PPP3CA: variants seen among roughly 807,000 people sequenced by gnomAD.
PPP3CA encodes CAM-PRP catalytic subunit.
Under a neutral mutation model 66.5 loss-of-function variants are expected in PPP3CA, and 14 were observed. That is an observed-to-expected ratio of 0.21 (90% CI 0.14 to 0.33). The LOEUF is 0.33. Among genes scored for constraint, PPP3CA ranks in the 10% least tolerant of loss-of-function variants. PPP3CA has a pLI of 1.00. For synonymous variants in PPP3CA, 232 were observed against 226.2 expected, an observed-to-expected ratio of 1.03 and a Z score of -0.23; for missense variants, 317 against 639.5, an observed-to-expected ratio of 0.50 and a Z score of 5.44.
chr4:101,193,331 A>T (rs1373270025), intron 2 of PPP3CA, among the ~76,000 whole-genome samples: 1 of 152,256 alleles, frequency 6.6e-6, no homozygotes, highest in Non-Finnish European at 1.5e-5. Context: ...TTGCAAGAAT[A>T]CAAAGATAAG....
intron 2 of PPP3CA, among the ~76,000 whole-genome samples, chr4:101,137,774 T>C (rs1722669978): frequency 6.6e-6 from 1 of 151,648 alleles, no homozygotes; most frequent in Non-Finnish European, 1.5e-5. Context: ...CAACGTTTTC[T>C]CCTAATCTAA....
intron 6 of PPP3CA, among the ~76,000 whole-genome samples, chr4:101,092,349 T>A (rs926145224): frequency 3.3e-5 from 5 of 151,980 alleles, no homozygotes; most frequent in Non-Finnish European, 5.9e-5. Context: ...CTGATCTGAG[T>A]TACAGAAACT....
chr4:101,272,534 A>G (rs1727367865), intron 1 of PPP3CA, among the ~76,000 whole-genome samples: 1 of 152,196 alleles, frequency 6.6e-6, no homozygotes, highest in South Asian at 2.1e-4. Context: ...GATCATTTGC[A>G]TGCTTCTCTT....
chr4:101,091,867 A>T (rs377697557), intron 6 of PPP3CA, among the ~76,000 whole-genome samples: 77 of 127,508 alleles, frequency 6.0e-4, no homozygotes, highest in African/African-American at 1.7e-3. Flanking sequence ...ATAATAATGA[A>T]GAAGAGGAGG....
Position 101,040,484 on chromosome 4 carries a change from G to A in PPP3CA, c.1239C>T (p.Leu413=), listed in dbSNP as rs369476537. 6.2e-6 allele frequency: 10 copies of A among 1,606,996 alleles called. No homozygotes were observed. The African/African-American group carries it at 1.2e-4, about 19-fold the overall frequency. Residue 413 remains leucine, a splice_region_variant and synonymous_variant, in exon 11 of 14, where the codon CTC becomes CTT. Coordinates refer to ENST00000394854, the MANE Select transcript of PPP3CA (RefSeq NM_000944.5). ...AAACAGAGTACGAATGCACCCACCT[G>A]AGCACTGAGAACACTCTGGCCATTT... ...IGKMARVFSV[L]REESESVLTL...
rs747123120 is a variant in PPP3CA, at chr4:101,131,237, A to AAAACAAAT, written c.260-22160_260-22159insATTTGTTT. ...GGTGACAAAAGTGAGACTCCGTCTC[A>AAAACAAAT]AAATAAATAAATAAATAAATAAATA... On this transcript the variant is annotated intron_variant, in intron 2 of 13. Coordinates refer to ENST00000394854, the MANE Select transcript of PPP3CA (RefSeq NM_000944.5). Among the ~76,000 whole-genome samples the AAAACAAAT allele has an allele frequency of 3.4e-3, 472 of 138,692 alleles. 3 individuals are homozygous for AAAACAAAT. The highest frequency in any genetic ancestry group is 0.013 in the African/African-American group (439 of 34,136). The allele number at this position is 138,692 out of a possible 152,430, so 91.0% of individuals were successfully genotyped here. A position where few individuals can be genotyped will look rare whatever the true frequency, so the allele number is the denominator to read the frequency against.
In PPP3CA at chr4:101,215,914, T is replaced by A. The variant is rs532491189; in HGVS notation, c.59-19798A>T. Among the ~76,000 whole-genome samples the A allele has an allele frequency of 4.6e-4, 70 of 152,254 alleles. No homozygotes were observed. In the South Asian group the frequency reaches 5.6e-3, roughly 12 times the overall value. ...TGTGATCAGTTTAAAATTAAAGTTGTATCACCAAAGCTCAACAAAAGCACT... is the reference window on the plus strand; with the variant it reads ...TGTGATCAGTTTAAAATTAAAGTTGAATCACCAAAGCTCAACAAAAGCACT... On this transcript the variant is annotated intron_variant, in intron 1 of 13. Coordinates refer to ENST00000394854, the MANE Select transcript of PPP3CA (RefSeq NM_000944.5).
intron 6 of PPP3CA, among the ~76,000 whole-genome samples, chr4:101,091,424 C>T (rs761832610): frequency 6.6e-6 from 1 of 151,980 alleles, no homozygotes; most frequent in Non-Finnish European, 1.5e-5. Context: ...ATTCATTAAA[C>T]CACATTTCCA....
intron 2 of PPP3CA, among the ~76,000 whole-genome samples, chr4:101,130,285 T>G (rs976170974): frequency 7.2e-5 from 11 of 152,152 alleles, no homozygotes; most frequent in African/African-American, 2.7e-4. Flanking sequence ...TTGGGGTACC[T>G]GAAAGTGATG....
chr4:101,129,846 A>G (rs1010378671), intron 2 of PPP3CA, among the ~76,000 whole-genome samples: 1 of 152,100 alleles, frequency 6.6e-6, no homozygotes, highest in African/African-American at 2.4e-5. Context: ...TTCTCCTCCA[A>G]AGGATCACAA....
intron 2 of PPP3CA, among the ~76,000 whole-genome samples, chr4:101,192,656 TCA>T (rs1724643404): frequency 6.6e-6 from 1 of 152,158 alleles, no homozygotes; most frequent in African/African-American, 2.4e-5. Flanking sequence ...CCCATCTTTT[TCA>T]CATAGTACAA....
rs1241186482 is a variant in PPP3CA, at chr4:101,346,645, T to C, written c.58+94A>G. The C allele has an allele frequency of 3.8e-6, 4 of 1,063,464 alleles. 1 individual carries two copies. The highest frequency in any genetic ancestry group is 2.0e-4 in the Middle Eastern group (1 of 4,932). 65.9% of individuals were successfully genotyped at this position (1,063,464 alleles called of 1,614,324 possible). ...CGGCTGGAGCGGACAGAGGAGAACC[T>C]GGGGCGGGGGAGGGGAGGAAAGGCG... is the stretch of plus-strand genomic sequence containing the variant. On this transcript the variant is annotated intron_variant, in intron 1 of 13. Coordinates refer to ENST00000394854, the MANE Select transcript of PPP3CA (RefSeq NM_000944.5).
chr4:101,073,824 T>G (rs1729029400), intron 8 of PPP3CA, among the ~76,000 whole-genome samples: 1 of 152,120 alleles, frequency 6.6e-6, no homozygotes. Flanking sequence ...AAAACAAAAA[T>G]AAAAAAGTAA....
chr4:101,072,006 T>A (rs1728940468), intron 8 of PPP3CA, among the ~76,000 whole-genome samples: 1 of 152,238 alleles, frequency 6.6e-6, no homozygotes. Flanking sequence ...AATGTTTAAA[T>A]GTGAGCAAGT....
chr4:101,177,177 T>C (rs1724089318), intron 2 of PPP3CA, among the ~76,000 whole-genome samples: 1 of 152,140 alleles, frequency 6.6e-6, no homozygotes, highest in Non-Finnish European at 1.5e-5. Flanking sequence ...GGTGGGAAGT[T>C]AAATCACACA....
At chr4:101,237,067 T>G (rs1649391280) in intron 1 of PPP3CA, among the ~76,000 whole-genome samples, 2 of 150,116 alleles carry the variant, frequency 1.3e-5, no homozygotes, top group African/African-American at 4.9e-5. Flanking sequence ...GGCAACTAGA[T>G]CATTAAAATC....
At chr4:101,124,718 A>AG (rs1722161838) in intron 2 of PPP3CA, among the ~76,000 whole-genome samples, 3 of 81,792 alleles carry the variant, frequency 3.7e-5, no homozygotes, top group East Asian at 3.1e-4. Flanking sequence ...AGAAAGAAAG[A>AG]AAGAAAGAGA....
chr4:101,031,063 G>C (rs534032939), intron 12 of PPP3CA, among the ~76,000 whole-genome samples: 1 of 130,116 alleles, frequency 7.7e-6, no homozygotes, highest in South Asian at 2.2e-4. Context: ...AAAAATTTTT[G>C]TCTTTTTGTA....
chr4:101,256,253 A>G (rs1324783912), intron 1 of PPP3CA, among the ~76,000 whole-genome samples: 1 of 151,942 alleles, frequency 6.6e-6, no homozygotes, highest in Non-Finnish European at 1.5e-5. Flanking sequence ...TTAACTTTTT[A>G]AAAATCATCT....
Sources: gnomAD v4.1 joint callset for allele counts (sites outside exome capture counted in the v4.1 genomes callset) on GRCh38, gnomAD v4.1.1 for gene constraint, MANE v1.5 for transcripts, NCBI Gene and HGNC (gene_info 2026-07-23, HGNC 2026-07-21) for gene names.